SLC25A21: variants seen among roughly 807,000 people sequenced by gnomAD.
SLC25A21 encodes mitochondrial 2-oxodicarboxylate carrier.
In SLC25A21, 47 loss-of-function variants were observed where a neutral mutation model predicts 43.8. That is an observed-to-expected ratio of 1.07 (90% CI 0.85 to 1.37). SLC25A21 has a LOEUF of 1.37. Among genes scored for constraint, SLC25A21 ranks in the 40% most tolerant of loss-of-function variants. The pLI is 0.00. For synonymous variants in SLC25A21, 131 were observed against 121.3 expected (o/e 1.08, Z -0.52); for missense variants, 352 against 350.2 (o/e 1.00, Z -0.04).
rs1307101085 is a variant in SLC25A21 at position 36,678,432 on chromosome 14, C to T, written c.*2226G>A. 1 of 1,405,404 alleles carries T rather than the reference C, an allele frequency of 7.1e-7. No homozygotes were observed. Among genetic ancestry groups the T allele is most frequent in the Non-Finnish European group, 9.7e-7 (1 of 1,026,786 alleles). The allele number at this position is 1,405,404 out of a possible 1,614,324, so 87.1% of individuals were successfully genotyped here. ...GAAGGAGCAGATGAACTCTCAGGGC[C>T]ATAGTCTTCCTTTGATCTTGTAAAA... On this transcript the variant is annotated 3_prime_UTR_variant, in exon 10 of 10. Transcript: ENST00000331299.
intron 1 of SLC25A21, among the ~76,000 whole-genome samples, chr14:37,110,405 T>C (rs933697248): frequency 6.6e-6 from 1 of 152,144 alleles, no homozygotes; most frequent in Non-Finnish European, 1.5e-5. Flanking sequence ...CATTCTAGAG[T>C]ACTAAGTACA....
At chr14:37,082,238 A>G (rs1160662819) in intron 1 of SLC25A21, among the ~76,000 whole-genome samples, 1 of 152,156 alleles carries the variant, frequency 6.6e-6, no homozygotes, top group Non-Finnish European at 1.5e-5. Flanking sequence ...ACTAGAGGGT[A>G]GGGGGAATGG....
At chr14:36,899,980 CT>C (rs1282503446) in intron 1 of SLC25A21, among the ~76,000 whole-genome samples, 1 of 152,090 alleles carries the variant, frequency 6.6e-6, no homozygotes, top group Non-Finnish European at 1.5e-5. Context: ...TGTCAGGACT[CT>C]TTTGGTTGTA....
At chr14:36,991,639 TAAATA>T (rs1366459473) in intron 1 of SLC25A21, among the ~76,000 whole-genome samples, 3 of 152,200 alleles carry the variant, frequency 2.0e-5, no homozygotes, top group Admixed American at 2.0e-4. Context: ...CTTGAAAAGT[TAAATA>T]ACTTGTCCAA....
chr14:37,149,827 G>T (rs1963728699), intron 1 of SLC25A21, among the ~76,000 whole-genome samples: 1 of 147,374 alleles, frequency 6.8e-6, no homozygotes, highest in African/African-American at 2.7e-5. Flanking sequence ...TTCTCATTAA[G>T]AGAGAAAAAA....
intron 7 of SLC25A21, among the ~76,000 whole-genome samples, chr14:36,696,704 TTATAG>T (rs970805226): frequency 1.3e-5 from 2 of 152,216 alleles, no homozygotes; most frequent in African/African-American, 4.8e-5. Flanking sequence ...GTAGAGGTGT[TTATAG>T]TATTCTCTGA....
chr14:37,094,733 AG>A (rs1332045376), intron 1 of SLC25A21, among the ~76,000 whole-genome samples: 3 of 40,618 alleles, frequency 7.4e-5, no homozygotes, highest in Admixed American at 3.3e-4. Context: ...GGTTGGTGAT[AG>A]CCAAAAAAAA....
At chr14:37,131,482 C>T (rs1594808542) in intron 1 of SLC25A21, among the ~76,000 whole-genome samples, 2 of 152,204 alleles carry the variant, frequency 1.3e-5, no homozygotes, top group Non-Finnish European at 2.9e-5. Context: ...CATAGATACA[C>T]AGCACTGTCT....
At chr14:36,698,772 T>C (rs911902544) in intron 7 of SLC25A21, among the ~76,000 whole-genome samples, 16 of 152,186 alleles carry the variant, frequency 1.1e-4, no homozygotes, top group African/African-American at 3.9e-4. Context: ...CATCAGGTCA[T>C]TTAAGGTCTT....
chr14:36,899,232 A>G (rs1026791914), intron 1 of SLC25A21, among the ~76,000 whole-genome samples: 2 of 152,148 alleles, frequency 1.3e-5, no homozygotes, highest in Admixed American at 6.5e-5. Context: ...TCTATTTGAG[A>G]AAAAAACTAA....
intron 2 of SLC25A21, among the ~76,000 whole-genome samples, chr14:36,825,101 T>C (rs1009557707): frequency 5.3e-5 from 8 of 152,308 alleles, no homozygotes; most frequent in African/African-American, 1.4e-4. Flanking sequence ...CATCGATACA[T>C]TCTGGACAAC....
chr14:36,726,170 T>C (rs1884593187), intron 5 of SLC25A21, among the ~76,000 whole-genome samples: 1 of 152,264 alleles, frequency 6.6e-6, no homozygotes, highest in African/African-American at 2.4e-5. Flanking sequence ...TCTATGTTCA[T>C]GTTTTTAGAG....
intron 1 of SLC25A21, among the ~76,000 whole-genome samples, chr14:37,100,026 C>T (rs1042664458): frequency 7.1e-6 from 1 of 140,096 alleles, no homozygotes; most frequent in East Asian, 2.0e-4. Flanking sequence ...GCCACCACCT[C>T]TATGTTTGTT....
chr14:37,129,153 G>A (rs893549837), intron 1 of SLC25A21, among the ~76,000 whole-genome samples: 2 of 152,142 alleles, frequency 1.3e-5, no homozygotes, highest in African/African-American at 2.4e-5. Context: ...GATGAGATAC[G>A]AGAACTATCA....
chr14:37,002,282 A>G (rs1028709566), intron 1 of SLC25A21, among the ~76,000 whole-genome samples: 100 of 152,204 alleles, frequency 6.6e-4, no homozygotes, highest in Non-Finnish European at 1.6e-4. Flanking sequence ...GTTCTCCACC[A>G]TATCTCTCTA....
intron 1 of SLC25A21, among the ~76,000 whole-genome samples, chr14:37,171,083 CAG>C (rs1323926945): frequency 2.9e-4 from 34 of 116,870 alleles, no homozygotes; most frequent in Non-Finnish European, 4.7e-4. Flanking sequence ...GTCTGGGCAA[CAG>C]AGAGAGACTC....
chr14:37,108,490 A>G (rs1463435353), intron 1 of SLC25A21, among the ~76,000 whole-genome samples: 2 of 152,190 alleles, frequency 1.3e-5, no homozygotes, highest in African/African-American at 4.8e-5. Flanking sequence ...TTTCCACTTA[A>G]GCAAGAAAAA....
In SLC25A21 at chr14:37,065,875, G is replaced by A. The variant is rs1962050485; in HGVS notation, c.70+106406C>T. 2.0e-5 allele frequency among the ~76,000 whole-genome samples: 3 copies of A among 152,276 alleles called. No individual in the cohort carries two copies. In the South Asian group the frequency reaches 6.2e-4, roughly 32 times the overall value. On this transcript the variant is annotated intron_variant, in intron 1 of 9. Transcript: ENST00000331299. The stretch of plus-strand genomic sequence containing the variant: ...TGCCTTAGCAGATTTGAAAGGAATT[G>A]AACACTCTTTTGAATTGAGAAATAA...
chr14:37,163,839 A>T lies in SLC25A21; in HGVS notation c.70+8442T>A, dbSNP rs868219004. Among the ~76,000 whole-genome samples, 4 of 152,236 alleles carry T rather than the reference A, an allele frequency of 2.6e-5. No homozygotes were observed. In the South Asian group the frequency reaches 8.3e-4, roughly 31 times the overall value. On this transcript the variant is annotated intron_variant, in intron 1 of 9. Transcript: ENST00000331299. ...TACAGTATTGTTGTAAGTATTATCT[A>T]ATGACTAGAATCCCTGAATATTTTT...
Sources: gnomAD v4.1 joint callset for allele counts (sites outside exome capture counted in the v4.1 genomes callset) on GRCh38, gnomAD v4.1.1 for gene constraint, MANE v1.5 for transcripts, NCBI Gene and HGNC (gene_info 2026-07-23, HGNC 2026-07-21) for gene names.